Variants in HSD17B12 observed in about 807,000 individuals in gnomAD.
HSD17B12 encodes the protein very-long-chain 3-oxoacyl-CoA reductase.
A neutral mutation model predicts 39.3 loss-of-function variants in HSD17B12; 32 were observed. The observed-to-expected ratio is 0.81, with a 90% CI of 0.61 to 1.09. HSD17B12 has a LOEUF of 1.09. HSD17B12 is among the 50% of genes least tolerant of loss of function. The pLI is 0.00. For synonymous variants in HSD17B12, 150 were observed against 146.7 expected, an observed-to-expected ratio of 1.02 and a Z score of -0.16; for missense variants, 342 against 382.9, an observed-to-expected ratio of 0.89 and a Z score of 0.89.
rs11037594 is a variant in HSD17B12 at position 43,744,784 on chromosome 11, G to T, written c.161-6127G>T. ...GAATAACACCTGTGAGGAAGCAAAA[G>T]AAGCAGAATTGAGCAGAGGGAGAAA... On this transcript the variant is annotated intron_variant, in intron 1 of 10. Transcript: ENST00000278353. Among the ~76,000 whole-genome samples the T allele has an allele frequency of 1.9e-3, 292 of 152,342 alleles. 5 individuals carry two copies. The East Asian group carries it at 0.044, about 23-fold the overall frequency.
At chr11:43,659,595 A>G in the HSD17B12 span, among the ~76,000 whole-genome samples, 1 of 152,204 alleles carries the variant, frequency 6.6e-6, no homozygotes, top group Non-Finnish European at 1.5e-5. Flanking sequence ...AGCATAAAAG[A>G]AAAAAATTGA....
chr11:43,600,626 G>A, the HSD17B12 span, among the ~76,000 whole-genome samples: 75 of 152,172 alleles, frequency 4.9e-4, 1 homozygote, highest in East Asian at 0.014. Flanking sequence ...AATCCAAGGT[G>A]CACTTTTCAA....
chr11:43,663,404 T>C, the HSD17B12 span, among the ~76,000 whole-genome samples: 3 of 152,196 alleles, frequency 2.0e-5, no homozygotes, highest in East Asian at 5.8e-4. Flanking sequence ...CTGGCCTATT[T>C]TTTATTTTTT....
chr11:43,690,386 A>ATTTTTTTTTTTTTTTTTTTTTTTTTTTT, intron 1 of HSD17B12, among the ~76,000 whole-genome samples: 1 of 10,308 alleles, frequency 9.7e-5, no homozygotes, highest in South Asian at 5.1e-3. Context: ...ATATATATAT[A>ATTTTTTTTTTTTTTTTTTTTTTTTTTTT]TATATATATA....
At chr11:43,777,878 G>A (rs1950723683) in intron 3 of HSD17B12, among the ~76,000 whole-genome samples, 1 of 152,132 alleles carries the variant, frequency 6.6e-6, no homozygotes. Context: ...ACAAGAGAAA[G>A]CAGGAAAGAT....
intron 6 of HSD17B12, among the ~76,000 whole-genome samples, chr11:43,827,514 G>A (rs1263307886): frequency 2.6e-5 from 4 of 152,054 alleles, no homozygotes; most frequent in Non-Finnish European, 5.9e-5. Flanking sequence ...ATTCATATTA[G>A]GTTTCTTTTA....
Position 43,690,381 on chromosome 11 carries a change from TATATATATATATATATATA to T in HSD17B12, c.160+9395_160+9413del, listed in dbSNP as rs1348788079. Reference sequence around the variant, plus strand: ...TCATACATATATATATATATATATATATATATATATATATATATATATATTTTTTTTTTTTTTTTTCTGA... The same window carrying T: ...TCATACATATATATATATATATATATTATATTTTTTTTTTTTTTTTTCTGA... On this transcript the variant is annotated intron_variant, in intron 1 of 10. Coordinates refer to ENST00000278353, the MANE Select transcript of HSD17B12 (RefSeq NM_016142.3). 1.3e-3 allele frequency among the ~76,000 whole-genome samples: 18 copies of T among 13,822 alleles called. 1 individual carries two copies. Among genetic ancestry groups the T allele is most frequent in the South Asian group, 4.8e-3 (2 of 414 alleles). 9.1% of individuals were successfully genotyped at this position (13,822 alleles called of 152,430 possible).
intron 4 of HSD17B12, among the ~76,000 whole-genome samples, chr11:43,800,306 A>G (rs1296033226): frequency 1.3e-5 from 2 of 152,248 alleles, no homozygotes; most frequent in African/African-American, 4.8e-5. Context: ...TAATGAAAAA[A>G]GACTGAGGGA....
At chr11:43,676,091 G>A (rs907819215), upstream of HSD17B12, among the ~76,000 whole-genome samples, 24 of 152,034 alleles carry the variant, frequency 1.6e-4, no homozygotes, top group African/African-American at 4.8e-4. Flanking sequence ...CAGACTGGGC[G>A]GTAAGAGCGG....
chr11:43,766,738 C>T (rs1303206422), intron 3 of HSD17B12, among the ~76,000 whole-genome samples: 2 of 152,180 alleles, frequency 1.3e-5, no homozygotes, highest in Non-Finnish European at 2.9e-5. Flanking sequence ...TACTGTGAAA[C>T]TTCCTCATGT....
chr11:43,798,749 T>C (rs1417060101), intron 4 of HSD17B12, among the ~76,000 whole-genome samples: 1 of 152,182 alleles, frequency 6.6e-6, no homozygotes, highest in Non-Finnish European at 1.5e-5. Flanking sequence ...TGATATAAAA[T>C]GCCTTAGTAT....
At chr11:43,778,665 G>A (rs1455730095) in intron 3 of HSD17B12, among the ~76,000 whole-genome samples, 3 of 151,286 alleles carry the variant, frequency 2.0e-5, no homozygotes, top group Non-Finnish European at 4.4e-5. Context: ...TCCCTGGGAT[G>A]CAAGGCTGGT....
At chr11:43,775,341 A>G (rs571645338) in intron 3 of HSD17B12, among the ~76,000 whole-genome samples, 184 of 152,298 alleles carry the variant, frequency 1.2e-3, no homozygotes, top group African/African-American at 4.3e-3. Context: ...AGCAGTGGAA[A>G]AGTAATACAT....
In HSD17B12 at chr11:43,680,957, G is replaced by C; in HGVS notation, c.130G>C (p.Gly44Arg). Reference protein sequence around the residue: ...LRVWGVGNEAGVGPGLGEWAV... With the variant: ...LRVWGVGNEARVGPGLGEWAV... The stretch of plus-strand genomic sequence containing the variant: ...GGTCTGGGGAGTGGGGAATGAGGCG[G>C]GGGTCGGCCCGGGGCTCGGAGAATG... The change falls in exon 1 of 11, where the codon GGG (glycine) becomes CGG (arginine). Residue 44 changes from glycine to arginine, a missense_variant. Coordinates refer to ENST00000278353, the MANE Select transcript of HSD17B12 (RefSeq NM_016142.3). 6.2e-7 allele frequency: 1 copy of C among 1,608,930 alleles called. No individual in the cohort carries two copies. Among genetic ancestry groups the C allele is most frequent in the Non-Finnish European group, 8.5e-7 (1 of 1,176,544 alleles).
intron 7 of HSD17B12, among the ~76,000 whole-genome samples, chr11:43,836,294 G>A (rs1951370047): frequency 6.6e-6 from 1 of 152,100 alleles, no homozygotes; most frequent in African/African-American, 2.4e-5. Flanking sequence ...TCCCAGTTAT[G>A]TGAGAAAAGG....
intron 6 of HSD17B12, among the ~76,000 whole-genome samples, chr11:43,826,205 C>G (rs1410578059): frequency 2.6e-5 from 4 of 151,732 alleles, no homozygotes; most frequent in African/African-American, 4.8e-5. Context: ...GCCTCAGCCT[C>G]CCGAGTAGCT....
At chr11:43,790,550 A>T (rs1220488178) in intron 3 of HSD17B12, among the ~76,000 whole-genome samples, 1 of 152,174 alleles carries the variant, frequency 6.6e-6, no homozygotes, top group Non-Finnish European at 1.5e-5. Flanking sequence ...TCTTTTTCTG[A>T]TCTGATAACC....
chr11:43,716,091 GA>G (rs1399119235), intron 1 of HSD17B12, among the ~76,000 whole-genome samples: 1 of 152,128 alleles, frequency 6.6e-6, no homozygotes, highest in Non-Finnish European at 1.5e-5. Context: ...GGTTAAACCT[GA>G]AACTTAACTT....
the HSD17B12 span, among the ~76,000 whole-genome samples, chr11:43,648,748 GAC>G: frequency 7.4e-6 from 1 of 135,058 alleles, no homozygotes; most frequent in Non-Finnish European, 1.6e-5. Flanking sequence ...TTTGTTTTGA[GAC>G]AGAGTCTCAC....
Sources: gnomAD v4.1 joint callset for allele counts (sites outside exome capture counted in the v4.1 genomes callset) on GRCh38, gnomAD v4.1.1 for gene constraint, MANE v1.5 for transcripts, NCBI Gene and HGNC (gene_info 2026-07-23, HGNC 2026-07-21) for gene names.